The following SFMBT2 variants were observed in gnomAD, a reference collection of about 807,000 sequenced individuals.
SFMBT2 encodes scm-like with four MBT domains protein 2.
In SFMBT2, 38 loss-of-function variants were observed where a neutral mutation model predicts 110.1. The observed-to-expected ratio is 0.35, with a 90% CI of 0.27 to 0.45. The LOEUF is 0.45. Ranked by LOEUF, SFMBT2 falls within the 20% of genes least tolerant of loss-of-function variation. The pLI, the probability that SFMBT2 is intolerant of heterozygous loss-of-function variation, is 1.00. For missense variants in SFMBT2, 1,011 were observed against 1,094.9 expected, an observed-to-expected ratio of 0.92 and a Z score of 1.08; for synonymous variants, 425 against 425.4, an observed-to-expected ratio of 1.00 and a Z score of 0.01.
chr10:7,226,230 C>T (rs924930998), intron 10 of SFMBT2, among the ~76,000 whole-genome samples: 2 of 152,192 alleles, frequency 1.3e-5, no homozygotes, highest in African/African-American at 2.4e-5. Context: ...GGAGAGAACT[C>T]GACTGAGATT....
chr10:7,243,844 T>C, intron 8 of SFMBT2, 139 bp from the exon 9 acceptor site: 2 of 633,060 alleles, frequency 3.2e-6, no homozygotes, highest in Non-Finnish European at 2.7e-6. Context: ...GCATTTTCAA[T>C]GTCCATTACT....
intron 1 of SFMBT2, among the ~76,000 whole-genome samples, chr10:7,406,989 G>A (rs1461488811): frequency 6.8e-6 from 1 of 146,772 alleles, no homozygotes; most frequent in Admixed American, 6.7e-5. Context: ...GGTTGGCGGG[G>A]GGGGAGGGAA....
intron 7 of SFMBT2, among the ~76,000 whole-genome samples, chr10:7,266,439 C>T (rs531347485): frequency 1.1e-4 from 16 of 152,230 alleles, no homozygotes; most frequent in African/African-American, 3.4e-4. Context: ...AGGGAAGGGG[C>T]CATGCAGGAA....
At chr10:7,202,049 G>A (rs777806124) in intron 13 of SFMBT2, among the ~76,000 whole-genome samples, 2 of 152,218 alleles carry the variant, frequency 1.3e-5, no homozygotes, top group African/African-American at 4.8e-5. Flanking sequence ...AGCTGGGGTT[G>A]GACTGAAGTT....
At chr10:7,345,394 T>C (rs1844077569) in intron 4 of SFMBT2, among the ~76,000 whole-genome samples, 1 of 152,248 alleles carries the variant, frequency 6.6e-6, no homozygotes, top group Non-Finnish European at 1.5e-5. Context: ...AGTCTAGCTC[T>C]GTCACCCAGG....
At position 7,200,429 on chromosome 10, in the gene SFMBT2, G is replaced by A. The variant is rs772887146; in HGVS notation, c.1543C>T (p.His515Tyr). 25 of 1,600,106 alleles carry A rather than the reference G, an allele frequency of 1.6e-5. 1 individual carries two copies. The South Asian group carries it at 2.4e-4, about 15-fold the overall frequency. The change falls in exon 14 of 21, where the codon CAC (histidine) becomes TAC (tyrosine). Residue 515 changes from histidine (H) to tyrosine (Y), a missense_variant. Coordinates refer to ENST00000397167, the MANE Select transcript of SFMBT2 (RefSeq NM_001387889.1). ...KIPHDLCLFP[H>Y]LDTTGTVNGK... The stretch of plus-strand genomic sequence containing the variant: ...GACTGATTACCTGTGGTGTCCAGGT[G>A]AGGGAATAAACAAAGGTCATGAGGT...
intron 2 of SFMBT2, among the ~76,000 whole-genome samples, chr10:7,376,500 C>T (rs981805967): frequency 6.6e-6 from 1 of 151,586 alleles, no homozygotes; most frequent in African/African-American, 2.4e-5. Flanking sequence ...GAGATCGAGA[C>T]CATCCTGGCT....
In SFMBT2 at chr10:7,283,937, G is replaced by T; in HGVS notation, c.739C>A (p.Gln247Lys). Residue 247 changes from glutamine (Q) to lysine (K), a missense_variant, in exon 6 of 21, where the codon CAA (glutamine) becomes AAA (lysine). Physicochemically the swap from Gln to Lys is moderately conservative, Grantham distance 53. This residue lies in a region of SFMBT2 where 979 missense variants were observed against 1,016.1 expected (regional missense o/e 0.96). Coordinates refer to ENST00000397167, the MANE Select transcript of SFMBT2 (RefSeq NM_001387889.1). ...DYRLRPVGWCQENKYRMDPPS... is the reference protein window; with the variant it reads ...DYRLRPVGWCKENKYRMDPPS... ...GGGTCCATTCTGTATTTATTCTCTT[G>T]ACACCAACCAACTGGTCGAAGTCTG... 6.2e-7 allele frequency: 1 copy of T among 1,604,118 alleles called. No individual in the cohort carries two copies. Among genetic ancestry groups the T allele is most frequent in the South Asian group, 1.1e-5 (1 of 90,846 alleles).
At chr10:7,192,712 G>A (rs983483036) in intron 15 of SFMBT2, among the ~76,000 whole-genome samples, 6 of 152,174 alleles carry the variant, frequency 3.9e-5, no homozygotes, top group African/African-American at 1.4e-4. Flanking sequence ...GGTCCCACTG[G>A]AAAGATCCCA....
intron 4 of SFMBT2, among the ~76,000 whole-genome samples, chr10:7,345,561 G>C (rs967033765): frequency 5.9e-5 from 9 of 152,160 alleles, no homozygotes. Context: ...GTTTTGCCAT[G>C]TTGGTCAGGC....
chr10:7,198,152 T>C (rs1838837501), intron 14 of SFMBT2: 1 of 985,116 alleles, frequency 1.0e-6, no homozygotes, highest in Admixed American at 6.1e-5. Context: ...ACATATTCCA[T>C]AAATTATTTC....
chr10:7,232,651 A>C (rs1424398617), intron 9 of SFMBT2, among the ~76,000 whole-genome samples: 2 of 152,228 alleles, frequency 1.3e-5, no homozygotes, highest in Admixed American at 1.3e-4. Flanking sequence ...GAAAATGTAC[A>C]AAAACCTTAA....
chr10:7,390,297 T>G (rs1845729918), intron 1 of SFMBT2, among the ~76,000 whole-genome samples: 1 of 152,148 alleles, frequency 6.6e-6, no homozygotes, highest in African/African-American at 2.4e-5. Flanking sequence ...AACCATCAAT[T>G]CTTGGCTGTC....
chr10:7,200,388 G>T (rs373497530), intron 14 of SFMBT2, 26 bp downstream of exon 14: 1 of 1,544,014 alleles, frequency 6.5e-7, no homozygotes, highest in Non-Finnish European at 8.8e-7. Flanking sequence ...GGAAGGCACA[G>T]AGACCCCCTA....
chr10:7,251,735 T>C (rs545541646), intron 7 of SFMBT2, among the ~76,000 whole-genome samples: 5 of 152,306 alleles, frequency 3.3e-5, no homozygotes, highest in African/African-American at 2.4e-5. Flanking sequence ...TAACTATAAG[T>C]GATGGCTAAC....
intron 4 of SFMBT2, among the ~76,000 whole-genome samples, chr10:7,307,217 C>T (rs1842721764): frequency 6.6e-6 from 1 of 152,082 alleles, no homozygotes; most frequent in Non-Finnish European, 1.5e-5. Flanking sequence ...AAAGGAAATA[C>T]ATACCATGTT....
chr10:7,200,704 A>C (rs1838926084), intron 13 of SFMBT2, among the ~76,000 whole-genome samples: 3 of 152,332 alleles, frequency 2.0e-5, no homozygotes, highest in Non-Finnish European at 4.4e-5. Flanking sequence ...AGAAAGCCTG[A>C]GACACCTGCC....
intron 7 of SFMBT2, among the ~76,000 whole-genome samples, chr10:7,253,970 T>C (rs1026485099): frequency 1.2e-4 from 19 of 152,312 alleles, no homozygotes; most frequent in Admixed American, 1.2e-3. Flanking sequence ...CTAATGTTTA[T>C]ATTATTGATG....
At chr10:7,375,778 C>CACAA (rs1431697695) in intron 2 of SFMBT2, among the ~76,000 whole-genome samples, 8 of 151,410 alleles carry the variant, frequency 5.3e-5, no homozygotes, top group Non-Finnish European at 7.4e-5. Flanking sequence ...CACACACACA[C>CACAA]ACACACACAC....
Sources: gnomAD v4.1 joint callset for allele counts (sites outside exome capture counted in the v4.1 genomes callset) on GRCh38, gnomAD v4.1.1 for gene constraint, gnomAD v4.1.1 regional missense constraint, MANE v1.5 for transcripts, NCBI Gene and HGNC (gene_info 2026-07-23, HGNC 2026-07-21) for gene names.